The following TMX1 variants were observed in gnomAD, a reference collection of about 807,000 sequenced individuals.
The protein encoded by TMX1 is thioredoxin-related transmembrane protein 1.
In TMX1, 25 loss-of-function variants were observed where a neutral mutation model predicts 36.6. The ratio of observed to expected loss-of-function variants is 0.68; its 90% CI spans 0.50 to 0.95. The LOEUF (loss-of-function observed/expected upper bound fraction) is 0.95. TMX1 is among the 40% of genes least tolerant of loss of function. The pLI is 0.00. For synonymous variants in TMX1, 133 were observed against 118.0 expected (o/e 1.13, Z -0.82); for missense variants, 347 against 339.6 (o/e 1.02, Z -0.17).
rs1458597134 is a variant in TMX1 at position 51,249,748 on chromosome 14, C to T, written c.647C>T (p.Pro216Leu). Residue 216 changes from proline to leucine, a missense_variant, in exon 7 of 8, where the codon CCG becomes CTG. Coordinates refer to ENST00000457354, the MANE Select transcript of TMX1 (RefSeq NM_030755.5). ...CCTTCAAAAAGGCGCAGACCACAGCCGTACCCATACCCTTCAAGTAAGTAT... is the reference window on the plus strand; with the variant it reads ...CCTTCAAAAAGGCGCAGACCACAGCTGTACCCATACCCTTCAAGTAAGTAT... The part of the protein sequence containing the change: ...LCPSKRRRPQ[P>L]YPYPSKKLLS... The T allele has an allele frequency of 2.5e-6, 4 of 1,610,884 alleles. No individual in the cohort carries two copies. Among genetic ancestry groups the T allele is most frequent in the African/African-American group, 1.3e-5 (1 of 74,792 alleles).
Position 51,254,565 on chromosome 14 carries a change from A to G in TMX1, c.*46A>G. 6.6e-7 allele frequency: 1 copy of G among 1,519,398 alleles called. No homozygotes were observed. Among genetic ancestry groups the G allele is most frequent in the South Asian group, 1.3e-5 (1 of 78,632 alleles). The allele number at this position is 1,519,398 out of a possible 1,614,324, so 94.1% of individuals were successfully genotyped here. On this transcript the variant is annotated 3_prime_UTR_variant, in exon 8 of 8. Coordinates refer to ENST00000457354, the MANE Select transcript of TMX1 (RefSeq NM_030755.5). ...AATATTATGATTTTGATAAAAACAG[A>G]AGATTGATCATTTTGTTTGGTTTGA...
intron 3 of TMX1, among the ~76,000 whole-genome samples, chr14:51,246,070 G>A (rs2065784123): frequency 6.6e-6 from 1 of 151,974 alleles, no homozygotes; most frequent in South Asian, 2.1e-4. Flanking sequence ...GCTTTTCTTT[G>A]CCCTTTTTTC....
Position 51,256,956 on chromosome 14 carries a change from CT to C in TMX1, c.*2451del, listed in dbSNP as rs200399544. 6.2e-3 allele frequency: 855 copies of C among 138,958 alleles called. 3 individuals are homozygous for C. The highest frequency in any genetic ancestry group is 0.015 in the Middle Eastern group (4 of 274). 8.6% of individuals were successfully genotyped at this position (138,958 alleles called of 1,614,324 possible). A position where few individuals can be genotyped will look rare whatever the true frequency, so the allele number is the denominator to read the frequency against. Reference sequence around the variant, plus strand: ...AAATTCAGCAATCTCTTATTTTGGTCTTTTTTTTTTTTTTGAGACAGAGTTT... The same window carrying C: ...AAATTCAGCAATCTCTTATTTTGGTCTTTTTTTTTTTTTGAGACAGAGTTT... On this transcript the variant is annotated 3_prime_UTR_variant, in exon 8 of 8. Coordinates refer to ENST00000457354, the MANE Select transcript of TMX1 (RefSeq NM_030755.5).
intron 7 of TMX1, among the ~76,000 whole-genome samples, chr14:51,250,216 A>G (rs2065805229): frequency 6.6e-6 from 1 of 152,234 alleles, no homozygotes; most frequent in Non-Finnish European, 1.5e-5. Context: ...ACTGAACTGT[A>G]CTACAGAACA....
intron 2 of TMX1, 126 bp from the exon 3 acceptor site, chr14:51,245,187 A>G (rs1226242672): frequency 5.0e-5 from 55 of 1,110,788 alleles, no homozygotes; most frequent in Middle Eastern, 6.1e-4. Context: ...ATGTATTACG[A>G]AGCTCAACTA....
At chr14:51,248,750 T>C (rs1366512621) in intron 4 of TMX1, among the ~76,000 whole-genome samples, 1 of 152,236 alleles carries the variant, frequency 6.6e-6, no homozygotes, top group Admixed American at 6.5e-5. Flanking sequence ...AAACTGGCCA[T>C]TTAATTATGT....
Position 51,249,370 on chromosome 14 carries a change from G to C in TMX1, c.488G>C (p.Arg163Thr). The C allele has an allele frequency of 1.9e-6, 3 of 1,606,088 alleles. No homozygotes were observed. The highest frequency in any genetic ancestry group is 1.7e-6 in the Non-Finnish European group (2 of 1,177,480). ...CTCTTTCAGCTATCTATGTGGATCA[G>C]GGTATGGACTAAAATATTTTTATCT... Reference protein sequence around the residue: ...SALFQLSMWIRTCHNYFIEDL... With the variant: ...SALFQLSMWITTCHNYFIEDL... The change falls in exon 5 of 8, where the codon AGG becomes ACG. Residue 163 changes from arginine (R) to threonine (T), a missense_variant and splice_region_variant. By Grantham distance (71) the Arg-to-Thr change is moderately conservative. Coordinates refer to ENST00000457354, the MANE Select transcript of TMX1 (RefSeq NM_030755.5).
Position 51,256,379 on chromosome 14 carries a change from AG to A in TMX1, c.*1863del, listed in dbSNP as rs1267912575. 6.6e-6 allele frequency: 1 copy of A among 152,198 alleles called. No individual in the cohort carries two copies. Among genetic ancestry groups the A allele is most frequent in the East Asian group, 1.9e-4 (1 of 5,200 alleles). 9.4% of individuals were successfully genotyped at this position (152,198 alleles called of 1,614,324 possible). ...AAAATGTAAAGTTGGCTGAACAGAT[AG>A]GGTCTTGAAATTTCAGGAAACATAT... On this transcript the variant is annotated 3_prime_UTR_variant, in exon 8 of 8. Coordinates refer to ENST00000457354, the MANE Select transcript of TMX1 (RefSeq NM_030755.5).
At chr14:51,244,213 T>C (rs1346872167) in intron 2 of TMX1, 2 of 303,530 alleles carry the variant, frequency 6.6e-6, no homozygotes, top group Non-Finnish European at 6.0e-6. Context: ...TTAAGGGTTC[T>C]TGAAGACATT....
intron 4 of TMX1, 76 bp downstream of exon 4, chr14:51,247,296 C>A: frequency 4.9e-6 from 7 of 1,430,198 alleles, no homozygotes; most frequent in Admixed American, 2.2e-5. Context: ...GTAAAGCATT[C>A]ATACTCAGTT....
intron 7 of TMX1, among the ~76,000 whole-genome samples, chr14:51,252,834 A>C (rs2065820687): frequency 6.6e-6 from 1 of 152,208 alleles, no homozygotes; most frequent in Admixed American, 6.5e-5. Flanking sequence ...TGGATCCTTA[A>C]GGCTCAAATG....
chr14:51,247,231 G>C lies in TMX1; in HGVS notation c.443+11G>C. Reference sequence around the variant, plus strand: ...TCCAGGTTCTGTTCTGTAAGTATGAGGGCTTTTTCTCTTACCCATTTCATA... The same window carrying C: ...TCCAGGTTCTGTTCTGTAAGTATGACGGCTTTTTCTCTTACCCATTTCATA... On this transcript the variant is annotated intron_variant, in intron 4 of 7. Transcript: ENST00000457354. 1 of 1,603,354 alleles carries C rather than the reference G, an allele frequency of 6.2e-7. No homozygotes were observed. Among genetic ancestry groups the C allele is most frequent in the Non-Finnish European group, 8.5e-7 (1 of 1,176,762 alleles).
In TMX1 at chr14:51,249,313, CT is replaced by C; in HGVS notation, c.444-9del. On this transcript the variant is annotated splice_polypyrimidine_tract_variant and intron_variant, in intron 4 of 7. Coordinates refer to ENST00000457354, the MANE Select transcript of TMX1 (RefSeq NM_030755.5). ...ATGTTACTCAGTTTTTTAATCATCTCTTTTATTTTTAGGATGAGTAGTATGT... is the reference window on the plus strand; with the variant it reads ...ATGTTACTCAGTTTTTTAATCATCTCTTTATTTTTAGGATGAGTAGTATGT... 1 of 1,595,444 alleles carries C rather than the reference CT, an allele frequency of 6.3e-7. No homozygotes were observed. The highest frequency in any genetic ancestry group is 8.5e-7 in the Non-Finnish European group (1 of 1,173,138).
intron 7 of TMX1, among the ~76,000 whole-genome samples, chr14:51,253,502 C>A (rs540633197): frequency 6.6e-6 from 1 of 152,290 alleles, no homozygotes; most frequent in East Asian, 1.9e-4. Context: ...TCCTTCCTTG[C>A]GGGTGTCCCC....
intron 6 of TMX1, 53 bp from the exon 7 acceptor site, chr14:51,249,640 T>G (rs1183007348): frequency 6.3e-7 from 1 of 1,594,886 alleles, no homozygotes; most frequent in Non-Finnish European, 8.6e-7. Context: ...ATAGTTACAT[T>G]AGCTGTGGCA....
rs2065772631 is a variant in TMX1, at chr14:51,243,717, T to A, written c.153-139T>A. On this transcript the variant is annotated intron_variant, in intron 1 of 7. Transcript: ENST00000457354. The stretch of plus-strand genomic sequence containing the variant: ...TACCCTTAAAAGTTTTTCATCTGCA[T>A]AAAATTAACCACCTTATCATCTTCA... 6.9e-6 allele frequency: 4 copies of A among 582,342 alleles called. No individual in the cohort carries two copies. In the South Asian group the frequency reaches 1.6e-4, roughly 24 times the overall value. The allele number at this position is 582,342 out of a possible 1,614,324, so 36.1% of individuals were successfully genotyped here.
At position 51,254,351 on chromosome 14, in the gene TMX1, A is replaced by G. The variant is rs759413480; in HGVS notation, c.675A>G (p.Leu225=). 8 of 1,586,940 alleles carry G rather than the reference A, an allele frequency of 5.0e-6. No homozygotes were observed. The Admixed American group carries it at 1.2e-4, about 23-fold the overall frequency. The change falls in exon 8 of 8, where the codon TTA becomes TTG. Residue 225 remains leucine, a synonymous_variant. Transcript: ENST00000457354. ...GTCTTTGTCTTTAAGAAAAATTATT[A>G]TCAGAATCTGCACAACCTTTGAAAA... The part of the protein sequence containing the change: ...QPYPYPSKKL[L]SESAQPLKKV...
intron 3 of TMX1, among the ~76,000 whole-genome samples, chr14:51,246,523 G>A (rs2065786554): frequency 6.6e-6 from 1 of 152,130 alleles, no homozygotes. Context: ...GACTCTGACA[G>A]AACTTTCTAC....
chr14:51,240,308 A>T lies in TMX1; in HGVS notation c.16A>T (p.Ser6Cys), dbSNP rs904480289. 9.9e-6 allele frequency: 16 copies of T among 1,611,980 alleles called. No homozygotes were observed. The African/African-American group carries it at 1.5e-4, about 15-fold the overall frequency. MAPSGSLAVPLAVLVL... is the reference protein window; with the variant it reads MAPSGCLAVPLAVLVL... ...AAGCGGCGAAATGGCGCCCTCCGGG[A>T]GTCTTGCAGTTCCCCTGGCAGTCCT... Residue 6 changes from serine to cysteine, a missense_variant, in exon 1 of 8, where the codon AGT (serine) becomes TGT (cysteine). Transcript: ENST00000457354.
Sources: gnomAD v4.1 joint callset for allele counts (sites outside exome capture counted in the v4.1 genomes callset) on GRCh38, gnomAD v4.1.1 for gene constraint, MANE v1.5 for transcripts, NCBI Gene and HGNC (gene_info 2026-07-23, HGNC 2026-07-21) for gene names.